CACNG7: variants seen among roughly 807,000 people sequenced by gnomAD.
The protein encoded by CACNG7 is calcium voltage-gated channel auxiliary subunit gamma 7.
In CACNG7, 9 loss-of-function variants were observed where a neutral mutation model predicts 26.3. The observed-to-expected ratio is 0.34, with a 90% confidence interval of 0.21 to 0.60. The LOEUF (loss-of-function observed/expected upper bound fraction) is 0.60. Ranked by LOEUF, CACNG7 falls within the 20% of genes least tolerant of loss-of-function variation. The pLI, the probability that CACNG7 is intolerant of heterozygous loss-of-function variation, is 0.81. For synonymous variants in CACNG7, 170 were observed against 157.0 expected, an observed-to-expected ratio of 1.08 and a Z score of -0.62; for missense variants, 297 against 380.4, an observed-to-expected ratio of 0.78 and a Z score of 1.82.
intron 4 of CACNG7, among the ~76,000 whole-genome samples, chr19:53,923,080 A>G (rs2068978051): frequency 9.3e-6 from 1 of 107,886 alleles, no homozygotes; most frequent in South Asian, 3.2e-4. Flanking sequence ...AGGCCTGGTC[A>G]TTGGTGGAGT....
At chr19:53,941,179 T>C (rs1343663632) in intron 4 of CACNG7, among the ~76,000 whole-genome samples, 3 of 152,232 alleles carry the variant, frequency 2.0e-5, no homozygotes, top group African/African-American at 2.4e-5. Context: ...CACAGCGTGC[T>C]ACTTCCTTGT....
intron 4 of CACNG7, among the ~76,000 whole-genome samples, chr19:53,937,574 C>T (rs1405275080): frequency 1.2e-5 from 1 of 82,090 alleles, no homozygotes; most frequent in African/African-American, 5.3e-5. Context: ...CCCCCCTTCC[C>T]TTCCCTCCCC....
At chr19:53,928,966 G>A (rs561007946) in intron 4 of CACNG7, among the ~76,000 whole-genome samples, 50 of 151,798 alleles carry the variant, frequency 3.3e-4, no homozygotes, top group African/African-American at 7.2e-4. Context: ...AAAATTAGCC[G>A]GGCATGGTGG....
intron 4 of CACNG7, among the ~76,000 whole-genome samples, chr19:53,920,749 T>C (rs532657995): frequency 9.4e-6 from 1 of 106,448 alleles, no homozygotes; most frequent in Non-Finnish European, 1.8e-5. Flanking sequence ...ATTGGTGGAG[T>C]TGCCCCAGGT....
rs1294759622 is a variant in CACNG7, at chr19:53,942,574, T to G, written c.*281T>G. Reference sequence around the variant, plus strand: ...CGCCCCTTTCCTCTGGCCCCTCCTCTCCAAGAAAATTAGCTCCTCCCTCGT... The same window carrying G: ...CGCCCCTTTCCTCTGGCCCCTCCTCGCCAAGAAAATTAGCTCCTCCCTCGT... On this transcript the variant is annotated 3_prime_UTR_variant, in exon 6 of 6. Transcript: ENST00000391767. This position sits in a 1 kb window ranked among gnomAD's most constrained non-coding sequence, Gnocchi z 5.9. The G allele has an allele frequency of 7.5e-7, 1 of 1,330,934 alleles. No homozygotes were observed. Among genetic ancestry groups the G allele is most frequent in the South Asian group, 2.1e-5 (1 of 48,302 alleles). The allele number at this position is 1,330,934 out of a possible 1,614,324, so 82.4% of individuals were successfully genotyped here.
At chr19:53,936,577 G>T (rs1423968737) in intron 4 of CACNG7, among the ~76,000 whole-genome samples, 1 of 152,072 alleles carries the variant, frequency 6.6e-6, no homozygotes, top group African/African-American at 2.4e-5. Flanking sequence ...TATCAGTGTG[G>T]ACTCATGTAT....
intron 4 of CACNG7, among the ~76,000 whole-genome samples, chr19:53,927,021 C>T (rs568325265): frequency 2.2e-4 from 34 of 151,946 alleles, no homozygotes; most frequent in South Asian, 1.7e-3. Flanking sequence ...AGTACAGTGG[C>T]GTGATCTCCT....
intron 4 of CACNG7, among the ~76,000 whole-genome samples, chr19:53,923,744 T>C (rs1195644820): frequency 5.0e-4 from 31 of 61,682 alleles, no homozygotes; most frequent in African/African-American, 2.3e-3. Context: ...TTGCCCCAGG[T>C]CTGGTCATTG....
At chr19:53,920,493 T>C (rs1443370652) in intron 4 of CACNG7, among the ~76,000 whole-genome samples, 1 of 27,648 alleles carries the variant, frequency 3.6e-5, no homozygotes, top group Non-Finnish European at 5.8e-5. Context: ...TTGCCCCAGG[T>C]CTGGTCATTG....
chr19:53,925,794 T>C (rs2069026175), intron 4 of CACNG7, among the ~76,000 whole-genome samples: 1 of 152,224 alleles, frequency 6.6e-6, no homozygotes, highest in African/African-American at 2.4e-5. Context: ...GCCCAGGCCG[T>C]AGCAGATAAG....
At chr19:53,923,965 G>A (rs551229909) in intron 4 of CACNG7, among the ~76,000 whole-genome samples, 3,004 of 138,734 alleles carry the variant, frequency 0.022, 91 homozygotes, top group African/African-American at 0.082. Context: ...CCCAGGTCTG[G>A]TATTGGTGGA....
rs2145922726 is a variant in CACNG7 at position 53,943,346 on chromosome 19, T to A, written c.*1053T>A. On this transcript the variant is annotated 3_prime_UTR_variant, in exon 6 of 6. Transcript: ENST00000391767. ...CCCCCTCAGAACCCCAACTCTGGCC[T>A]CTTTCAAGGGCCCGTCCGCCCCGTT... is the stretch of plus-strand genomic sequence containing the variant. 6.6e-6 allele frequency: 1 copy of A among 151,928 alleles called. No homozygotes were observed. Among genetic ancestry groups the A allele is most frequent in the East Asian group, 2.0e-4 (1 of 5,098 alleles). 9.4% of individuals were successfully genotyped at this position (151,928 alleles called of 1,614,324 possible). A position where few individuals can be genotyped will look rare whatever the true frequency, so the allele number is the denominator to read the frequency against.
intron 4 of CACNG7, 23 bp downstream of exon 4, chr19:53,915,528 TG>T (rs748901775): frequency 5.6e-6 from 9 of 1,612,306 alleles, no homozygotes; most frequent in Middle Eastern, 1.7e-4. Context: ...ACTTGGGGGT[TG>T]GGGGGGACCA....
intron 4 of CACNG7, among the ~76,000 whole-genome samples, chr19:53,924,371 T>TCTGGTCATTGGTGGAGTTGTCCCCAGGC (rs1599984212): frequency 7.5e-6 from 1 of 132,892 alleles, no homozygotes; most frequent in South Asian, 2.6e-4. Flanking sequence ...TGTCCCCAGG[T>TCTGGTCATTGGTGGAGTTGTCCCCAGGC]CTGGTCATTG....
intron 4 of CACNG7, among the ~76,000 whole-genome samples, chr19:53,926,034 C>A (rs759832904): frequency 3.1e-4 from 47 of 152,178 alleles, no homozygotes; most frequent in Non-Finnish European, 6.2e-4. Flanking sequence ...CTTATTCATT[C>A]AATCTTCAGA....
chr19:53,924,789 T>A (rs1411766927), intron 4 of CACNG7, among the ~76,000 whole-genome samples: 1 of 71,658 alleles, frequency 1.4e-5, no homozygotes, highest in Non-Finnish European at 2.6e-5. Context: ...TGGACTTGCC[T>A]AGTGCTGGTC....
chr19:53,920,998 G>GCTGGTCATTGGTGGAGTTGCCTCAGGT (rs2068943571), intron 4 of CACNG7, among the ~76,000 whole-genome samples: 3 of 74,632 alleles, frequency 4.0e-5, no homozygotes, highest in Admixed American at 1.1e-4. Context: ...GTTGCCCCAG[G>GCTGGTCATTGGTGGAGTTGCCTCAGGT]CTGGTCATTG....
chr19:53,910,129 A>G (rs1476608468), intron 1 of CACNG7, among the ~76,000 whole-genome samples: 4 of 152,078 alleles, frequency 2.6e-5, no homozygotes, highest in Non-Finnish European at 5.9e-5. Flanking sequence ...GAATGTGGAG[A>G]AGGGACGAGG....
chr19:53,932,964 C>G (rs946170482), intron 4 of CACNG7, among the ~76,000 whole-genome samples: 1 of 151,840 alleles, frequency 6.6e-6, no homozygotes, highest in African/African-American at 2.4e-5. Flanking sequence ...TCTGCCATCA[C>G]GCCCGGCTAA....
Sources: gnomAD v4.1 joint callset for allele counts (sites outside exome capture counted in the v4.1 genomes callset) on GRCh38, gnomAD v4.1.1 for gene constraint, Gnocchi (gnomAD v3.1) non-coding constraint, MANE v1.5 for transcripts, NCBI Gene and HGNC (gene_info 2026-07-23, HGNC 2026-07-21) for gene names.